Variants in USP10 observed in about 807,000 individuals in gnomAD.
The protein encoded by USP10 is ubiquitin specific peptidase 10, also known as ubiquitin carboxyl-terminal hydrolase 10.
Under a neutral mutation model 84.5 loss-of-function variants are expected in USP10, and 22 were observed. The observed-to-expected ratio is 0.26, with a 90% confidence interval of 0.19 to 0.37. The LOEUF (loss-of-function observed/expected upper bound fraction) is 0.37. Among genes scored for constraint, USP10 ranks in the 10% least tolerant of loss-of-function variants. The probability of loss-of-function intolerance (pLI) is 1.00; values close to 1 mark genes in which losing one functional copy is unlikely to be tolerated. For missense variants in USP10, 1,019 were observed against 998.9 expected (o/e 1.02, Z -0.27); for synonymous variants, 454 against 387.6 (o/e 1.17, Z -2.01).
At chr16:84,769,958 G>T (rs1727708331) in intron 11 of USP10, among the ~76,000 whole-genome samples, 1 of 152,140 alleles carries the variant, frequency 6.6e-6, no homozygotes, top group Non-Finnish European at 1.5e-5. Context: ...CCAGAAAGAA[G>T]GCGGGCCAGG....
At chr16:84,774,497 T>TTCTTCAAGACAGAG (rs77818365) in intron 12 of USP10, among the ~76,000 whole-genome samples, 2,211 of 150,326 alleles carry the variant, frequency 0.015, 82 homozygotes, top group South Asian at 0.12. Flanking sequence ...GTTTGTTTTT[T>TTCTTCAAGACAGAG]TCTTGCTCTG....
At chr16:84,739,347 C>A (rs926624739) in intron 2 of USP10, among the ~76,000 whole-genome samples, 2 of 152,108 alleles carry the variant, frequency 1.3e-5, no homozygotes, top group African/African-American at 4.8e-5. Flanking sequence ...TCTCGGCTCA[C>A]TGCAACCTCC....
intron 1 of USP10, among the ~76,000 whole-genome samples, chr16:84,725,989 A>G (rs538482220): frequency 1.3e-5 from 2 of 152,300 alleles, no homozygotes; most frequent in South Asian, 2.1e-4. Context: ...TTAGCTGTGC[A>G]TCTGTGAATG....
intron 12 of USP10, 38 bp downstream of exon 12, chr16:84,772,723 A>C (rs761586499): frequency 1.3e-4 from 214 of 1,608,212 alleles, no homozygotes; most frequent in Non-Finnish European, 1.8e-4. Context: ...TCGTGGTGAC[A>C]CACTCCTGCA....
chr16:84,760,608 T>G (rs953319498), intron 8 of USP10, among the ~76,000 whole-genome samples: 2 of 152,220 alleles, frequency 1.3e-5, no homozygotes, highest in African/African-American at 4.8e-5. Flanking sequence ...TATATGCCAC[T>G]GGGGTAGAAT....
chr16:84,762,896 G>A (rs1333880157), intron 8 of USP10, 93 bp from the exon 9 acceptor site: 1 of 650,128 alleles, frequency 1.5e-6, no homozygotes, highest in Non-Finnish European at 2.7e-6. Flanking sequence ...CCATTTCAGA[G>A]GAGGCATGGT....
chr16:84,704,731 A>G (rs1356860117), intron 1 of USP10: 24 of 1,506,344 alleles, frequency 1.6e-5, no homozygotes, highest in Non-Finnish European at 2.1e-5. Context: ...TTTTCTGGCT[A>G]TTTGAAAGCT....
At chr16:84,726,230 A>T (rs911671802) in intron 1 of USP10, among the ~76,000 whole-genome samples, 4 of 152,220 alleles carry the variant, frequency 2.6e-5, no homozygotes, top group African/African-American at 9.6e-5. Flanking sequence ...GCCGTGCTGT[A>T]CTGATAGTCC....
At chr16:84,713,266 C>T (rs73243928) in intron 1 of USP10, among the ~76,000 whole-genome samples, 2,672 of 152,214 alleles carry the variant, frequency 0.018, 82 homozygotes, top group African/African-American at 0.061. Context: ...ATTGTCTGTC[C>T]CCGAGACCCT....
In USP10 at chr16:84,760,089, G is replaced by C. The variant is rs1292719213; in HGVS notation, c.1451-83G>C. On this transcript the variant is annotated intron_variant, in intron 7 of 13. Coordinates refer to ENST00000219473, the MANE Select transcript of USP10 (RefSeq NM_005153.3). ...CTCAACATTCAGCCAGGTGGGAGGT[G>C]GGGGAGTTTTGATGATGTTGCTTTT... The C allele has an allele frequency of 6.6e-6, 10 of 1,511,142 alleles. No homozygotes were observed. In the East Asian group the frequency reaches 2.3e-4, roughly 35 times the overall value. 93.6% of individuals were successfully genotyped at this position (1,511,142 alleles called of 1,614,324 possible). A position where few individuals can be genotyped will look rare whatever the true frequency, so the allele number is the denominator to read the frequency against.
intron 9 of USP10, 101 bp from the exon 10 acceptor site, chr16:84,763,985 C>G: frequency 7.1e-7 from 1 of 1,413,876 alleles, no homozygotes; most frequent in Non-Finnish European, 9.4e-7. Context: ...TAGACCACAC[C>G]CTGATTTCAT....
intron 4 of USP10, among the ~76,000 whole-genome samples, chr16:84,756,801 C>G (rs979436204): frequency 3.3e-5 from 5 of 152,164 alleles, no homozygotes; most frequent in African/African-American, 9.7e-5. Context: ...AGTTGCTGTT[C>G]TGTGGCACAC....
At chr16:84,738,307 TG>T (rs1472092784) in intron 2 of USP10, among the ~76,000 whole-genome samples, 1 of 152,228 alleles carries the variant, frequency 6.6e-6, no homozygotes, top group Non-Finnish European at 1.5e-5. Context: ...ATAAATTTTG[TG>T]TAAAAATAGA....
At chr16:84,717,851 T>G (rs1302696370) in intron 1 of USP10, among the ~76,000 whole-genome samples, 1 of 152,252 alleles carries the variant, frequency 6.6e-6, no homozygotes, top group East Asian at 1.9e-4. Context: ...CTGTAATGCT[T>G]AATTTAATTC....
In USP10 at chr16:84,758,721, C is replaced by A; in HGVS notation, c.1198C>A (p.Leu400Met). 1 of 1,611,172 alleles carries A rather than the reference C, an allele frequency of 6.2e-7. No homozygotes were observed. The highest frequency in any genetic ancestry group is 8.5e-7 in the Non-Finnish European group (1 of 1,177,368). Residue 400 changes from leucine to methionine, a missense_variant, in exon 5 of 14, where the codon CTG (leucine) becomes ATG (methionine). Leu to Met is a conservative substitution (Grantham distance 15, BLOSUM62 2). Coordinates refer to ENST00000219473, the MANE Select transcript of USP10 (RefSeq NM_005153.3). ...ATGCTTCTTCACTCTTTCAGAGTTG[C>A]TGGAGAATGTAACCCTAATCCATAA... The part of the protein sequence containing the change: ...DPVAIKIAEL[L>M]ENVTLIHKPV...
intron 4 of USP10, among the ~76,000 whole-genome samples, chr16:84,754,984 T>A (rs1461122381): frequency 8.5e-6 from 1 of 118,028 alleles, no homozygotes; most frequent in East Asian, 3.3e-4. Context: ...CTAGACTTTG[T>A]CCCAGAAAAA....
At chr16:84,769,331 G>A (rs1214862467) in intron 11 of USP10, among the ~76,000 whole-genome samples, 6 of 152,194 alleles carry the variant, frequency 3.9e-5, no homozygotes, top group African/African-American at 1.4e-4. Context: ...GGGGTGTCCT[G>A]CTGTGGACTG....
intron 1 of USP10, among the ~76,000 whole-genome samples, chr16:84,727,579 C>G (rs947156690): frequency 6.6e-6 from 1 of 152,228 alleles, no homozygotes; most frequent in Non-Finnish European, 1.5e-5. Context: ...TTACCCAGAT[C>G]CACCTGTTGT....
chr16:84,754,499 G>C (rs1912295939), intron 4 of USP10, among the ~76,000 whole-genome samples: 1 of 152,182 alleles, frequency 6.6e-6, no homozygotes, highest in Non-Finnish European at 1.5e-5. Context: ...CGTATGTTCT[G>C]CTGTTGCAGA....
Sources: allele counts gnomAD v4.1 joint callset (sites outside exome capture counted in the v4.1 genomes callset), GRCh38; gene constraint gnomAD v4.1.1; transcripts MANE v1.5; gene names NCBI Gene and HGNC (gene_info 2026-07-23, HGNC 2026-07-21).